The following RALGAPA2 variants were observed in gnomAD, a reference collection of about 807,000 sequenced individuals.
RALGAPA2 encodes the protein ral GTPase-activating protein subunit alpha-2.
In RALGAPA2, 139 loss-of-function variants were observed where a neutral mutation model predicts 230.4. The ratio of observed to expected loss-of-function variants is 0.60; its 90% confidence interval spans 0.53 to 0.69. The LOEUF (loss-of-function observed/expected upper bound fraction) is 0.69, where lower values mean the gene tolerates loss of function less well. Ranked by LOEUF, RALGAPA2 falls within the 30% of genes least tolerant of loss-of-function variation. The pLI, the probability that RALGAPA2 is intolerant of heterozygous loss-of-function variation, is 0.00. For missense variants in RALGAPA2, 2,163 were observed against 2,276.0 expected (o/e 0.95, Z 1.01); for synonymous variants, 847 against 837.8 (o/e 1.01, Z -0.19).
intron 1 of RALGAPA2, among the ~76,000 whole-genome samples, chr20:20,691,102 C>A (rs1404756809): frequency 1.3e-5 from 2 of 152,194 alleles, no homozygotes; most frequent in Non-Finnish European, 2.9e-5. Flanking sequence ...AATCTTCCCA[C>A]CTGCAAGCCT....
At chr20:20,606,581 C>G (rs2065828161) in intron 14 of RALGAPA2, among the ~76,000 whole-genome samples, 1 of 152,100 alleles carries the variant, frequency 6.6e-6, no homozygotes, top group South Asian at 2.1e-4. Context: ...CCCCTCATTT[C>G]TCAGGTCAAA....
At chr20:20,427,341 G>A (rs1275744545) in intron 37 of RALGAPA2, among the ~76,000 whole-genome samples, 1 of 152,122 alleles carries the variant, frequency 6.6e-6, no homozygotes, top group African/African-American at 2.4e-5. Flanking sequence ...AGAAATCCCT[G>A]TGGGTTAGAG....
intron 31 of RALGAPA2, among the ~76,000 whole-genome samples, chr20:20,519,453 G>A (rs2062973096): frequency 1.3e-5 from 2 of 152,106 alleles, no homozygotes; most frequent in South Asian, 2.1e-4. Context: ...CTTCCACTAA[G>A]GGCCTCACAA....
At chr20:20,494,772 T>C (rs1217568031) in intron 36 of RALGAPA2, among the ~76,000 whole-genome samples, 1 of 152,242 alleles carries the variant, frequency 6.6e-6, no homozygotes, top group African/African-American at 2.4e-5. Context: ...TGGGGTTCCT[T>C]CAACTCTTAT....
At chr20:20,597,031 A>G (rs1049383023) in intron 16 of RALGAPA2, among the ~76,000 whole-genome samples, 13 of 152,262 alleles carry the variant, frequency 8.5e-5, no homozygotes, top group Non-Finnish European at 1.8e-4. Context: ...CAAGAGTCTT[A>G]GTAAAATAAA....
At chr20:20,594,799 A>G (rs2295210) in intron 16 of RALGAPA2, among the ~76,000 whole-genome samples, 12,682 of 143,566 alleles carry the variant, frequency 0.088, 789 homozygotes, top group African/African-American at 0.17. Context: ...CGTGATCTTG[A>G]CTCACTGCAA....
chr20:20,483,724 T>C (rs534207611), intron 36 of RALGAPA2, among the ~76,000 whole-genome samples: 1 of 152,322 alleles, frequency 6.6e-6, no homozygotes, highest in East Asian at 1.9e-4. Context: ...TCATTAGAAC[T>C]ACAAGCAACA....
At chr20:20,705,905 G>A (rs536542732) in intron 1 of RALGAPA2, among the ~76,000 whole-genome samples, 1 of 152,276 alleles carries the variant, frequency 6.6e-6, no homozygotes, top group South Asian at 2.1e-4. Context: ...CTGACCTCGT[G>A]ATCTGCCCAC....
At chr20:20,649,870 CTA>C (rs2067336797) in intron 4 of RALGAPA2, among the ~76,000 whole-genome samples, 1 of 152,314 alleles carries the variant, frequency 6.6e-6, no homozygotes, top group African/African-American at 2.4e-5. Flanking sequence ...GCCTCACTCT[CTA>C]TCAGTTCTAA....
At position 20,512,865 on chromosome 20, in the gene RALGAPA2, C is replaced by T; in HGVS notation, c.4504G>A (p.Asp1502Asn). The stretch of plus-strand genomic sequence containing the variant: ...GAGTCTTTCTGAGGTCCAAATGTGT[C>T]ACGATGCCAGCTCGAAATCAGAAAT... ...PSFLISSWHRDTFGPQKDSSQ... is the reference protein window; with the variant it reads ...PSFLISSWHRNTFGPQKDSSQ... Residue 1502 changes from aspartate to asparagine, a missense_variant, in exon 32 of 40, where the codon GAC (aspartate) becomes AAC (asparagine). Asp to Asn is a conservative substitution (Grantham distance 23, BLOSUM62 1). Coordinates refer to ENST00000202677, the MANE Select transcript of RALGAPA2 (RefSeq NM_020343.4). The T allele has an allele frequency of 6.2e-7, 1 of 1,613,760 alleles. No individual in the cohort carries two copies. The highest frequency in any genetic ancestry group is 8.5e-7 in the Non-Finnish European group (1 of 1,179,650).
intron 38 of RALGAPA2, among the ~76,000 whole-genome samples, chr20:20,402,383 T>G (rs1479310274): frequency 6.6e-6 from 1 of 152,268 alleles, no homozygotes; most frequent in African/African-American, 2.4e-5. Context: ...CTGAGTTGTT[T>G]AAAGTCTCTT....
At chr20:20,571,753 T>A in intron 22 of RALGAPA2, 95 bp downstream of exon 22, 1 of 1,463,292 alleles carries the variant, frequency 6.8e-7, no homozygotes, top group Non-Finnish European at 9.4e-7. Context: ...CAGCCTGTCT[T>A]CAAAACATGC....
At chr20:20,552,327 G>A (rs2063949237) in intron 23 of RALGAPA2, among the ~76,000 whole-genome samples, 1 of 151,986 alleles carries the variant, frequency 6.6e-6, no homozygotes, top group African/African-American at 2.4e-5. Flanking sequence ...AAGTCACTCC[G>A]TCCCTCCACG....
chr20:20,617,439 C>T (rs1277668003), intron 12 of RALGAPA2, among the ~76,000 whole-genome samples: 1 of 152,044 alleles, frequency 6.6e-6, no homozygotes, highest in African/African-American at 2.4e-5. Flanking sequence ...GTAAGAAAAA[C>T]AAAAACAAAG....
At chr20:20,709,296 G>A (rs925821361) in intron 1 of RALGAPA2, among the ~76,000 whole-genome samples, 1 of 151,756 alleles carries the variant, frequency 6.6e-6, no homozygotes, top group African/African-American at 2.4e-5. Context: ...TCCAGCGTGG[G>A]TAACAGAGTG....
At chr20:20,609,895 C>G (rs1311554824) in intron 14 of RALGAPA2, among the ~76,000 whole-genome samples, 1 of 152,200 alleles carries the variant, frequency 6.6e-6, no homozygotes, top group Admixed American at 6.5e-5. Context: ...ATCCAATGTA[C>G]CAGGCAAGGC....
At chr20:20,645,983 CAT>C (rs1449358584) in intron 4 of RALGAPA2, among the ~76,000 whole-genome samples, 5 of 150,612 alleles carry the variant, frequency 3.3e-5, no homozygotes, top group African/African-American at 7.3e-5. Context: ...GCAAGAAAAA[CAT>C]GTGCAGTGGA....
intron 16 of RALGAPA2, among the ~76,000 whole-genome samples, chr20:20,595,670 C>G (rs17718383): frequency 0.14 from 21,860 of 152,064 alleles, 1,844 homozygotes; most frequent in East Asian, 0.24. Flanking sequence ...AATTGTAGAA[C>G]AGACCGGACG....
chr20:20,707,846 G>T (rs1254425714), intron 1 of RALGAPA2, among the ~76,000 whole-genome samples: 1 of 151,930 alleles, frequency 6.6e-6, no homozygotes, highest in Non-Finnish European at 1.5e-5. Flanking sequence ...CTGGGCAAGG[G>T]TCCTCAGTGC....
Sources: allele counts gnomAD v4.1 joint callset (sites outside exome capture counted in the v4.1 genomes callset), GRCh38; gene constraint gnomAD v4.1.1; transcripts MANE v1.5; gene names NCBI Gene and HGNC (gene_info 2026-07-23, HGNC 2026-07-21).